INSR: variants seen among roughly 807,000 people sequenced by gnomAD.
INSR encodes the protein IR.
A neutral mutation model predicts 142.6 loss-of-function variants in INSR; 67 were observed. The observed-to-expected ratio is 0.47, with a 90% CI of 0.39 to 0.58. INSR has a LOEUF of 0.58. Among genes scored for constraint, INSR ranks in the 20% least tolerant of loss-of-function variants. The probability of loss-of-function intolerance (pLI) is 0.00; values close to 1 mark genes in which losing one functional copy is unlikely to be tolerated. For missense variants in INSR, 1,248 were observed against 1,833.2 expected, an observed-to-expected ratio of 0.68 and a Z score of 5.83; for synonymous variants, 756 against 743.1, an observed-to-expected ratio of 1.02 and a Z score of -0.28.
At chr19:7,121,289 G>T (rs980562471) in intron 19 of INSR, among the ~76,000 whole-genome samples, 1 of 151,966 alleles carries the variant, frequency 6.6e-6, no homozygotes, top group South Asian at 2.1e-4. Flanking sequence ...GTGAGCCACC[G>T]CACCTGGCCA....
chr19:7,145,121 G>A (rs1204070723), intron 11 of INSR, among the ~76,000 whole-genome samples: 1 of 151,800 alleles, frequency 6.6e-6, no homozygotes, highest in South Asian at 2.1e-4. Flanking sequence ...TCTTTTGTCT[G>A]TTTTTCCATG....
chr19:7,215,179 C>T (rs955813954), intron 2 of INSR, among the ~76,000 whole-genome samples: 6 of 152,234 alleles, frequency 3.9e-5, no homozygotes, highest in Middle Eastern at 3.4e-3. Flanking sequence ...AACTAGGATT[C>T]GAACCCAGGA....
intron 2 of INSR, among the ~76,000 whole-genome samples, chr19:7,238,669 C>T (rs1248415827): frequency 1.3e-5 from 2 of 150,112 alleles, no homozygotes; most frequent in African/African-American, 4.9e-5. Flanking sequence ...AAAAGTGAAC[C>T]CAGCCATGAG....
At chr19:7,128,819 T>C (rs892557715) in intron 15 of INSR, 33 bp downstream of exon 15, 4 of 1,455,396 alleles carry the variant, frequency 2.7e-6, no homozygotes, top group Non-Finnish European at 2.9e-6. Flanking sequence ...GAACCAACTG[T>C]TCCCAGCACA....
intron 9 of INSR, 105 bp from the exon 10 acceptor site, chr19:7,153,032 A>ACCC (rs1973428424): frequency 2.1e-6 from 1 of 466,496 alleles, no homozygotes; most frequent in Non-Finnish European, 3.6e-6. Flanking sequence ...CACACCACAC[A>ACCC]CACACACACC....
chr19:7,132,409 G>A, intron 13 of INSR, 92 bp from the exon 14 acceptor site: 2 of 1,434,246 alleles, frequency 1.4e-6, no homozygotes, highest in South Asian at 1.2e-5. Context: ...CCAGGATCCT[G>A]CTCAGAAATG....
At chr19:7,134,003 G>A (rs1006696257) in intron 13 of INSR, among the ~76,000 whole-genome samples, 4 of 152,104 alleles carry the variant, frequency 2.6e-5, no homozygotes, top group African/African-American at 7.2e-5. Flanking sequence ...TGGTTTGTCC[G>A]AGATCTCATA....
At chr19:7,289,405 C>CTT (rs777933899) in intron 1 of INSR, among the ~76,000 whole-genome samples, 120 of 130,222 alleles carry the variant, frequency 9.2e-4, no homozygotes, top group African/African-American at 2.9e-3. Context: ...TTTTTCTTTT[C>CTT]TTTTTTTTTT....
chr19:7,172,766 C>T (rs1380234715), intron 4 of INSR, among the ~76,000 whole-genome samples: 1 of 151,998 alleles, frequency 6.6e-6, no homozygotes, highest in Non-Finnish European at 1.5e-5. Flanking sequence ...GTGCTGGTGG[C>T]TCATGCCTGT....
intron 7 of INSR, among the ~76,000 whole-genome samples, chr19:7,167,179 T>C (rs995301884): frequency 1.3e-5 from 2 of 152,208 alleles, no homozygotes; most frequent in African/African-American, 4.8e-5. Flanking sequence ...CAATCTGTAA[T>C]AATAGTAATA....
intron 2 of INSR, among the ~76,000 whole-genome samples, chr19:7,194,678 A>ATTT (rs35692691): frequency 9.0e-6 from 1 of 111,328 alleles, no homozygotes; most frequent in Non-Finnish European, 1.8e-5. Context: ...ACACCAACTG[A>ATTT]TTTTTTTTTT....
intron 9 of INSR, among the ~76,000 whole-genome samples, chr19:7,153,279 CCACACCACACACCG>C (rs2144896538): frequency 6.9e-6 from 1 of 143,998 alleles, no homozygotes. Context: ...ACCTCACACA[CCACACCACACACCG>C]CACACACACC....
rs893964695 is a variant in INSR, at chr19:7,184,378, G to C, written c.912C>G (p.Tyr304Ter). Residue 304 changes from tyrosine (Y) to a stop codon, truncating the protein, a stop_gained, in exon 3 of 22, where the codon TAC becomes TAG. Coordinates refer to ENST00000302850, the MANE Select transcript of INSR (RefSeq NM_000208.4). LOFTEE classifies it high-confidence loss of function. ...KNSRRQGCHQYVIHNNKCIPE... is the reference protein window; with the variant it reads ...KNSRRQGCHQ ...GGATGCACTTGTTGTTGTGAATGAC[G>C]TACTGGTGGCAGCCCTGCCTCCGCG... 6.2e-7 allele frequency: 1 copy of C among 1,614,038 alleles called. No homozygotes were observed. The highest frequency in any genetic ancestry group is 2.2e-5 in the East Asian group (1 of 44,872).
rs1236417124 is a variant in INSR at position 7,192,284 on chromosome 19, AAAGAAAAGAAAAGAAAAG to A, written c.653-7665_653-7648del. Among the ~76,000 whole-genome samples, 3 of 149,890 alleles carry A rather than the reference AAAGAAAAGAAAAGAAAAG, an allele frequency of 2.0e-5. No homozygotes were observed. The highest frequency in any genetic ancestry group is 7.4e-5 in the African/African-American group (3 of 40,296). The stretch of plus-strand genomic sequence containing the variant: ...AAAGAAAAGAAAAGAAAAGAAAAGA[AAAGAAAAGAAAAGAAAAG>A]AAAAGAAAAAAATCACAGGCAGCCC... On this transcript the variant is annotated intron_variant, in intron 2 of 21. Transcript: ENST00000302850. The surrounding 1 kb of genome is among the most constrained non-coding windows in gnomAD (Gnocchi z 4.2).
intron 21 of INSR, among the ~76,000 whole-genome samples, 181 bp from the exon 22 acceptor site, chr19:7,117,591 G>A (rs1181399813): frequency 6.6e-6 from 1 of 152,132 alleles, no homozygotes; most frequent in Non-Finnish European, 1.5e-5. Flanking sequence ...CTGAGAGATG[G>A]TGTTTTCTTT....
chr19:7,268,238 T>G (rs1393639957), intron 1 of INSR, among the ~76,000 whole-genome samples: 1 of 152,010 alleles, frequency 6.6e-6, no homozygotes, highest in Non-Finnish European at 1.5e-5. Flanking sequence ...CTGTCTCCAG[T>G]GCGTCAACAT....
chr19:7,213,072 G>A (rs1053218122), intron 2 of INSR, among the ~76,000 whole-genome samples: 1 of 152,034 alleles, frequency 6.6e-6, no homozygotes, highest in Non-Finnish European at 1.5e-5. Context: ...GGGGCCGGGC[G>A]CGGTGGCTCA....
chr19:7,283,411 C>T (rs542408622), intron 1 of INSR, among the ~76,000 whole-genome samples: 8 of 152,178 alleles, frequency 5.3e-5, no homozygotes, highest in Admixed American at 2.0e-4. Context: ...GGATTCTAAA[C>T]GGAAAATGAC....
chr19:7,178,444 G>A (rs916720769), intron 3 of INSR, among the ~76,000 whole-genome samples: 14 of 152,224 alleles, frequency 9.2e-5, no homozygotes, highest in Non-Finnish European at 1.2e-4. Flanking sequence ...TACTGGGCCG[G>A]GTGCAGTGCC....
Sources: allele counts gnomAD v4.1 joint callset (sites outside exome capture counted in the v4.1 genomes callset), GRCh38; gene constraint gnomAD v4.1.1; non-coding constraint Gnocchi (gnomAD v3.1); transcripts MANE v1.5; gene names NCBI Gene and HGNC (gene_info 2026-07-23, HGNC 2026-07-21).